The following GPC6 variants were observed in gnomAD, a reference collection of about 807,000 sequenced individuals.
GPC6 encodes the protein glypican-6.
A neutral mutation model predicts 55.2 loss-of-function variants in GPC6; 14 were observed. That is an observed-to-expected ratio of 0.25 (90% confidence interval 0.17 to 0.40). The LOEUF is 0.40. GPC6 is among the 10% of genes least tolerant of loss of function. GPC6 has a pLI of 1.00. For missense variants in GPC6, 641 were observed against 708.5 expected, an observed-to-expected ratio of 0.90 and a Z score of 1.08; for synonymous variants, 278 against 259.6, an observed-to-expected ratio of 1.07 and a Z score of -0.68.
chr13:94,307,016 A>T (rs1875980178), intron 6 of GPC6, among the ~76,000 whole-genome samples: 1 of 152,202 alleles, frequency 6.6e-6, no homozygotes. Context: ...TTATGAAAAT[A>T]CTTTTATTAG....
Position 93,740,038 on chromosome 13 carries a change from T to C in GPC6, c.320-90116T>C, listed in dbSNP as rs947709263. Among the ~76,000 whole-genome samples, 7 of 152,282 alleles carry C rather than the reference T, an allele frequency of 4.6e-5. No individual in the cohort carries two copies. In the East Asian group the frequency reaches 1.4e-3, roughly 29 times the overall value. On this transcript the variant is annotated intron_variant, in intron 2 of 8. Coordinates refer to ENST00000377047, the MANE Select transcript of GPC6 (RefSeq NM_005708.5). Reference sequence around the variant, plus strand: ...AACCTAAAGCAGGGGAGATAAATCATGGTGTTCCCCTTTATTTGGGACTTC... The same window carrying C: ...AACCTAAAGCAGGGGAGATAAATCACGGTGTTCCCCTTTATTTGGGACTTC...
At chr13:93,507,080 A>G (rs1213931819) in intron 1 of GPC6, among the ~76,000 whole-genome samples, 4 of 148,132 alleles carry the variant, frequency 2.7e-5, no homozygotes, top group Non-Finnish European at 4.5e-5. Context: ...AAAAAAAAAA[A>G]AAAAAAAAAA....
intron 4 of GPC6, among the ~76,000 whole-genome samples, chr13:94,106,420 G>C (rs1594740644): frequency 6.6e-6 from 1 of 152,174 alleles, no homozygotes; most frequent in Non-Finnish European, 1.5e-5. Context: ...TACAAGACAT[G>C]ATGATTTCTG....
At chr13:94,120,788 A>G (rs1320475943) in intron 4 of GPC6, among the ~76,000 whole-genome samples, 1 of 152,110 alleles carries the variant, frequency 6.6e-6, no homozygotes, top group East Asian at 1.9e-4. Flanking sequence ...TGTAGGAGGA[A>G]TCAATGAATC....
chr13:93,691,138 C>CT (rs1165693118), intron 2 of GPC6, among the ~76,000 whole-genome samples: 1 of 152,094 alleles, frequency 6.6e-6, no homozygotes, highest in Non-Finnish European at 1.5e-5. Flanking sequence ...CACAAATATC[C>CT]TTTTCTTTCA....
At chr13:93,808,488 A>G (rs1290891917) in intron 2 of GPC6, among the ~76,000 whole-genome samples, 2 of 152,174 alleles carry the variant, frequency 1.3e-5, no homozygotes, top group Non-Finnish European at 2.9e-5. Flanking sequence ...TATCCTCAAC[A>G]TTTGTCTTCC....
At chr13:93,901,523 A>C (rs79718712) in intron 3 of GPC6, among the ~76,000 whole-genome samples, 12 of 152,282 alleles carry the variant, frequency 7.9e-5, no homozygotes, top group Admixed American at 3.3e-4. Context: ...TCTGAAACCA[A>C]TTGTTTGAAA....
chr13:93,698,811 C>A (rs1882567814), intron 2 of GPC6, among the ~76,000 whole-genome samples: 1 of 151,916 alleles, frequency 6.6e-6, no homozygotes, highest in African/African-American at 2.4e-5. Context: ...TCTCTCCTCC[C>A]CTCTTTCCTC....
chr13:94,086,475 A>G (rs1021480534), intron 4 of GPC6, among the ~76,000 whole-genome samples: 2 of 13,410 alleles, frequency 1.5e-4, no homozygotes, highest in Middle Eastern at 0.062. Context: ...TTTGTACATG[A>G]CTAAAAAAAA....
chr13:93,498,237 T>A (rs1043635570), intron 1 of GPC6, among the ~76,000 whole-genome samples: 2 of 152,222 alleles, frequency 1.3e-5, no homozygotes, highest in African/African-American at 4.8e-5. Context: ...CTCTGGCCTT[T>A]GGATGTCTTT....
intron 2 of GPC6, among the ~76,000 whole-genome samples, chr13:93,703,502 A>C (rs1272450552): frequency 1.3e-5 from 2 of 152,018 alleles, no homozygotes; most frequent in Non-Finnish European, 2.9e-5. Flanking sequence ...ACAAACCTTA[A>C]CTATGTAAAA....
intron 4 of GPC6, among the ~76,000 whole-genome samples, chr13:94,033,751 A>G (rs964910855): frequency 6.6e-6 from 1 of 152,166 alleles, no homozygotes; most frequent in Non-Finnish European, 1.5e-5. Context: ...TGTTACAAAA[A>G]CCTCTAGAAT....
At chr13:93,979,920 A>G (rs1446664021) in intron 3 of GPC6, among the ~76,000 whole-genome samples, 2 of 152,138 alleles carry the variant, frequency 1.3e-5, no homozygotes, top group Non-Finnish European at 2.9e-5. Context: ...TATAAACTAT[A>G]AACTCCAGCC....
rs767667871 is a variant in GPC6, at chr13:94,403,073, G to A, written c.1524G>A (p.Thr508=). The part of the protein sequence containing the change: ...GSGCMDDVCP[T]EFEFVTTEAP... ...GGTGCATGGATGACGTGTGTCCCAC[G>A]GAGTTTGAGTTTGTCACCACAGAGG... Residue 508 remains threonine, a synonymous_variant, in exon 9 of 9, where the codon ACG becomes ACA. Transcript: ENST00000377047. 94 of 1,613,776 alleles carry A rather than the reference G, an allele frequency of 5.8e-5. No homozygotes were observed. The highest frequency in any genetic ancestry group is 9.3e-5 in the African/African-American group (7 of 75,032).
At chr13:94,065,276 T>G (rs1211884691) in intron 4 of GPC6, among the ~76,000 whole-genome samples, 1 of 152,070 alleles carries the variant, frequency 6.6e-6, no homozygotes, top group Non-Finnish European at 1.5e-5. Flanking sequence ...GTGTGATCAG[T>G]CCCAGGCTAA....
chr13:93,798,243 A>G (rs1214221357), intron 2 of GPC6, among the ~76,000 whole-genome samples: 1 of 152,114 alleles, frequency 6.6e-6, no homozygotes, highest in Non-Finnish European at 1.5e-5. Flanking sequence ...GACAACTTTA[A>G]AGTTGTATTT....
chr13:93,458,648 T>C (rs1878562831), intron 1 of GPC6, among the ~76,000 whole-genome samples: 1 of 152,172 alleles, frequency 6.6e-6, no homozygotes, highest in Non-Finnish European at 1.5e-5. Context: ...GTCTAGGTAA[T>C]GGGAACTAGA....
intron 3 of GPC6, among the ~76,000 whole-genome samples, chr13:93,961,822 A>G (rs1028859391): frequency 2.0e-5 from 3 of 152,066 alleles, no homozygotes; most frequent in Non-Finnish European, 2.9e-5. Context: ...TTTTTTAACA[A>G]TAAATGTAAA....
At chr13:93,603,597 C>A (rs761978442) in intron 2 of GPC6, among the ~76,000 whole-genome samples, 2 of 152,140 alleles carry the variant, frequency 1.3e-5, no homozygotes, top group African/African-American at 2.4e-5. Context: ...GGCTCCAGGG[C>A]CTGTGCTCAT....
Sources: gnomAD v4.1 joint callset for allele counts (sites outside exome capture counted in the v4.1 genomes callset) on GRCh38, gnomAD v4.1.1 for gene constraint, MANE v1.5 for transcripts, NCBI Gene and HGNC (gene_info 2026-07-23, HGNC 2026-07-21) for gene names.